Variants in COLQ observed in about 807,000 individuals in gnomAD.
COLQ encodes collagen like tail subunit of asymmetric acetylcholinesterase.
A neutral mutation model predicts 69.0 loss-of-function variants in COLQ; 48 were observed. That is an observed-to-expected ratio of 0.70 (90% CI 0.55 to 0.88). The LOEUF (loss-of-function observed/expected upper bound fraction) is 0.88, where lower values mean the gene tolerates loss of function less well. Among genes scored for constraint, COLQ ranks in the 40% least tolerant of loss-of-function variants. The pLI is 0.00. For missense variants in COLQ, 618 were observed against 594.6 expected (o/e 1.04, Z -0.41); for synonymous variants, 217 against 211.2 (o/e 1.03, Z -0.24).
chr3:15,477,422 A>C, intron 5 of COLQ: 1 of 557,032 alleles, frequency 1.8e-6, no homozygotes, highest in Non-Finnish European at 3.2e-6. Flanking sequence ...GTGGTGAGAA[A>C]GGGACTCTAA....
At chr3:15,514,942 T>C (rs746039040) in intron 1 of COLQ, among the ~76,000 whole-genome samples, 1 of 152,254 alleles carries the variant, frequency 6.6e-6, no homozygotes, top group Non-Finnish European at 1.5e-5. Flanking sequence ...ATACTTTTTG[T>C]TTTTAAATGT....
intron 1 of COLQ, among the ~76,000 whole-genome samples, chr3:15,518,621 C>A (rs1016127480): frequency 1.3e-5 from 2 of 152,204 alleles, no homozygotes; most frequent in African/African-American, 4.8e-5. Context: ...GCTGGTGCTG[C>A]ACATGGCACT....
At chr3:15,477,769 C>T (rs535551471) in intron 5 of COLQ, among the ~76,000 whole-genome samples, 68 of 152,344 alleles carry the variant, frequency 4.5e-4, no homozygotes, top group African/African-American at 1.6e-3. Context: ...CACTCTCAAG[C>T]TCCCCCTAGA....
chr3:15,476,637 C>A (rs1378744339), intron 6 of COLQ, among the ~76,000 whole-genome samples: 1 of 152,180 alleles, frequency 6.6e-6, no homozygotes, highest in Non-Finnish European at 1.5e-5. Flanking sequence ...AACAGAGGCA[C>A]AGATGGGGAT....
At chr3:15,494,557 T>C (rs1006976492) in intron 1 of COLQ, among the ~76,000 whole-genome samples, 14 of 152,072 alleles carry the variant, frequency 9.2e-5, no homozygotes, top group African/African-American at 3.1e-4. Flanking sequence ...CTAAATGGCA[T>C]CTGTAGTTGG....
At chr3:15,476,050 T>A (rs773812487) in intron 6 of COLQ, among the ~76,000 whole-genome samples, 8 of 152,230 alleles carry the variant, frequency 5.3e-5, no homozygotes, top group Admixed American at 2.0e-4. Context: ...GAAGTTAATT[T>A]TAATAGATCT....
chr3:15,473,229 C>T lies in COLQ; in HGVS notation c.636+771G>A, dbSNP rs574709658. Among the ~76,000 whole-genome samples, 15 of 152,200 alleles carry T rather than the reference C, an allele frequency of 9.9e-5. No individual in the cohort carries two copies. Among genetic ancestry groups the T allele is most frequent in the African/African-American group, 3.6e-4 (15 of 41,528 alleles). ...GTGCAGTGGTGCAATCATGGCTTACCGCAGCTTTGACTCCTGGGCTCAGGC... is the reference window on the plus strand; with the variant it reads ...GTGCAGTGGTGCAATCATGGCTTACTGCAGCTTTGACTCCTGGGCTCAGGC... On this transcript the variant is annotated intron_variant, in intron 10 of 16. Coordinates refer to ENST00000383788, the MANE Select transcript of COLQ (RefSeq NM_005677.4). This position sits in a 1 kb window ranked among gnomAD's most constrained non-coding sequence, Gnocchi z 4.0.
chr3:15,484,972 A>T (rs1386251167), intron 3 of COLQ, among the ~76,000 whole-genome samples: 1 of 152,154 alleles, frequency 6.6e-6, no homozygotes, highest in Non-Finnish European at 1.5e-5. Flanking sequence ...GAGAAGAGGC[A>T]CTCTGATTTT....
intron 1 of COLQ, among the ~76,000 whole-genome samples, chr3:15,513,370 C>T (rs2125183547): frequency 6.6e-6 from 1 of 152,332 alleles, no homozygotes; most frequent in East Asian, 1.9e-4. Context: ...GTCGATCCTG[C>T]TCATGCTTTC....
chr3:15,452,097 C>T (rs1575459046), intron 16 of COLQ, among the ~76,000 whole-genome samples: 1 of 146,786 alleles, frequency 6.8e-6, no homozygotes. Flanking sequence ...GACAGAGTTT[C>T]GCTCTGTCCC....
chr3:15,500,520 T>C (rs1246719827), intron 1 of COLQ, among the ~76,000 whole-genome samples: 2 of 152,184 alleles, frequency 1.3e-5, no homozygotes, highest in African/African-American at 2.4e-5. Context: ...TCAGCTGTAG[T>C]TTGTTTCATT....
intron 1 of COLQ, among the ~76,000 whole-genome samples, chr3:15,512,925 G>C (rs1308838875): frequency 6.6e-6 from 1 of 152,194 alleles, no homozygotes; most frequent in Non-Finnish European, 1.5e-5. Context: ...TGCGGCACCA[G>C]AGGCCCTACT....
chr3:15,498,989 G>A, intron 1 of COLQ: 3 of 1,144,216 alleles, frequency 2.6e-6, no homozygotes, highest in Non-Finnish European at 3.3e-6. Context: ...TACCACAGCA[G>A]TATTGACTGC....
chr3:15,505,753 G>A (rs530734621), intron 1 of COLQ, among the ~76,000 whole-genome samples: 11 of 152,356 alleles, frequency 7.2e-5, no homozygotes, highest in African/African-American at 2.6e-4. Context: ...CCTTCCAGCT[G>A]CATCGGGCCC....
Position 15,477,182 on chromosome 3 carries a change from G to C in COLQ, c.409C>G (p.Pro137Ala). Residue 137 changes from proline to alanine, a missense_variant, in exon 6 of 17, where the codon CCA becomes GCA. Physicochemically the swap from Pro to Ala is conservative, Grantham distance 27. Transcript: ENST00000383788. ...GGCCCAGGCATGCCAGGAACACCTG[G>C]GGGGCCAGGTCTACCCTTCAAAGAC... ...RPGRKGRPGP[P>A]GVPGMPGPIG... 6.2e-7 allele frequency: 1 copy of C among 1,606,118 alleles called. No individual in the cohort carries two copies. Among genetic ancestry groups the C allele is most frequent in the Non-Finnish European group, 8.5e-7 (1 of 1,176,742 alleles).
At chr3:15,497,796 C>A (rs2062767711) in intron 1 of COLQ, among the ~76,000 whole-genome samples, 1 of 152,220 alleles carries the variant, frequency 6.6e-6, no homozygotes, top group Non-Finnish European at 1.5e-5. Context: ...GTCTCAGCTA[C>A]AGTAAAGTTC....
At chr3:15,475,001 A>G (rs955454937) in intron 7 of COLQ, 50 bp from the exon 8 acceptor site, 2 of 1,592,460 alleles carry the variant, frequency 1.3e-6, no homozygotes, top group Non-Finnish European at 1.7e-6. Flanking sequence ...AGGACTTCTG[A>G]GTTTGGTGGA....
intron 11 of COLQ, among the ~76,000 whole-genome samples, chr3:15,468,797 G>C (rs2062238699): frequency 6.6e-6 from 1 of 152,096 alleles, no homozygotes; most frequent in Non-Finnish European, 1.5e-5. Context: ...TCATGGAGGG[G>C]TCTTGGGCAA....
Position 15,451,652 on chromosome 3 carries a change from A to G in COLQ, c.1360T>C (p.Phe454Leu). 1.2e-6 allele frequency: 2 copies of G among 1,614,200 alleles called. No individual in the cohort carries two copies. The highest frequency in any genetic ancestry group is 1.7e-6 in the Non-Finnish European group (2 of 1,180,008). ...CCTTCTCCTCACGGCCCTCAGGTGA[A>G]GTAGCGGCAGGGCGTGGAGTCGATG... Reference protein sequence around the residue: ...CYIDSTPCRYFT With the variant: ...CYIDSTPCRYLT The change falls in exon 17 of 17, where the codon TTC becomes CTC. Residue 454 changes from phenylalanine to leucine, a missense_variant. Transcript: ENST00000383788.
Sources: allele counts gnomAD v4.1 joint callset (sites outside exome capture counted in the v4.1 genomes callset), GRCh38; gene constraint gnomAD v4.1.1; non-coding constraint Gnocchi (gnomAD v3.1); transcripts MANE v1.5; gene names NCBI Gene and HGNC (gene_info 2026-07-23, HGNC 2026-07-21).